Variants in BMPR2 observed in about 807,000 individuals in gnomAD.
The protein encoded by BMPR2 is bone morphogenetic protein receptor type-2.
BMPR2 carries 29 observed loss-of-function variants against 100.8 expected under a neutral mutation model. The ratio of observed to expected loss-of-function variants is 0.29; its 90% CI spans 0.21 to 0.39. The LOEUF (loss-of-function observed/expected upper bound fraction) is 0.39. Ranked by LOEUF, BMPR2 falls within the 10% of genes least tolerant of loss-of-function variation. BMPR2 has a pLI of 1.00. For synonymous variants in BMPR2, 382 were observed against 442.3 expected (o/e 0.86, Z 1.71); for missense variants, 1,011 against 1,274.5 (o/e 0.79, Z 3.15).
chr2:202,560,340 G>A lies in BMPR2; in HGVS notation c.*394G>A, dbSNP rs1025600061. 7 of 223,890 alleles carry A rather than the reference G, an allele frequency of 3.1e-5. No individual in the cohort carries two copies. In the Admixed American group the frequency reaches 3.7e-4, roughly 12 times the overall value. 13.9% of individuals were successfully genotyped at this position (223,890 alleles called of 1,614,324 possible). A position where few individuals can be genotyped will look rare whatever the true frequency, so the allele number is the denominator to read the frequency against. ...GAAGCAAATTAAGACAGGTTTGACT[G>A]CAGTGGTGTCTGGTATCCATGTTTT... On this transcript the variant is annotated 3_prime_UTR_variant, in exon 13 of 13. Coordinates refer to ENST00000374580, the MANE Select transcript of BMPR2 (RefSeq NM_001204.7).
At chr2:202,467,827 G>C in intron 3 of BMPR2, 138 bp downstream of exon 3, 1 of 862,512 alleles carries the variant, frequency 1.2e-6, no homozygotes, top group Admixed American at 2.1e-5. Context: ...GGGAGGCCGA[G>C]GTGGATGGAT....
intron 1 of BMPR2, among the ~76,000 whole-genome samples, chr2:202,422,699 TAG>T (rs1376211520): frequency 1.3e-5 from 2 of 151,294 alleles, no homozygotes; most frequent in African/African-American, 4.9e-5. Context: ...TGTTTTGAGA[TAG>T]AGTCTCCCTC....
intron 1 of BMPR2, among the ~76,000 whole-genome samples, chr2:202,430,093 T>G (rs549282869): frequency 6.6e-6 from 1 of 152,214 alleles, no homozygotes; most frequent in Non-Finnish European, 1.5e-5. Flanking sequence ...TGGTGAGAGC[T>G]CTGGGTTGCC....
intron 1 of BMPR2, among the ~76,000 whole-genome samples, chr2:202,458,421 G>A (rs1692165187): frequency 6.6e-6 from 1 of 151,940 alleles, no homozygotes; most frequent in African/African-American, 2.4e-5. Context: ...AGTGAGCCAA[G>A]GTTGTGCCAC....
intron 9 of BMPR2, among the ~76,000 whole-genome samples, chr2:202,538,757 G>A (rs1051106834): frequency 2.8e-5 from 4 of 141,148 alleles, no homozygotes; most frequent in Admixed American, 7.6e-5. Context: ...TCGCGCCACC[G>A]CACTCCAGCC....
intron 1 of BMPR2, among the ~76,000 whole-genome samples, chr2:202,460,314 G>A (rs1036920451): frequency 7.2e-5 from 11 of 152,042 alleles, no homozygotes; most frequent in Non-Finnish European, 1.3e-4. Flanking sequence ...GGAATACTAT[G>A]CAGCCATAAA....
intron 9 of BMPR2, among the ~76,000 whole-genome samples, chr2:202,536,657 G>A (rs1162427811): frequency 6.6e-6 from 1 of 151,988 alleles, no homozygotes; most frequent in African/African-American, 2.4e-5. Context: ...TGTATCACCT[G>A]AGGTCGGGAG....
chr2:202,437,302 C>G (rs1691634295), intron 1 of BMPR2, among the ~76,000 whole-genome samples: 1 of 150,674 alleles, frequency 6.6e-6, no homozygotes, highest in African/African-American at 2.5e-5. Context: ...CTGCGCCCAG[C>G]CAAAAAACTC....
intron 1 of BMPR2, among the ~76,000 whole-genome samples, chr2:202,394,260 A>C (rs749323778): frequency 6.6e-6 from 1 of 152,070 alleles, no homozygotes; most frequent in African/African-American, 2.4e-5. Context: ...CTGAGGCAGG[A>C]GAATTGCTTG....
At chr2:202,405,723 G>C (rs570700663) in intron 1 of BMPR2, among the ~76,000 whole-genome samples, 1 of 146,382 alleles carries the variant, frequency 6.8e-6, no homozygotes, top group East Asian at 2.0e-4. Flanking sequence ...CAGGGAAAAT[G>C]TGCTGCTAAA....
At chr2:202,401,940 G>A (rs558122135) in intron 1 of BMPR2, among the ~76,000 whole-genome samples, 1 of 152,318 alleles carries the variant, frequency 6.6e-6, no homozygotes, top group East Asian at 1.9e-4. Flanking sequence ...TGCAAAAAGG[G>A]CTCAAAAGTG....
chr2:202,527,169 T>G (rs1459720821), intron 7 of BMPR2, among the ~76,000 whole-genome samples: 1 of 152,082 alleles, frequency 6.6e-6, no homozygotes, highest in Non-Finnish European at 1.5e-5. Flanking sequence ...TGCCCAGAAT[T>G]TATGTTTTTT....
chr2:202,482,397 A>G (rs920934958), intron 3 of BMPR2, among the ~76,000 whole-genome samples: 1 of 152,146 alleles, frequency 6.6e-6, no homozygotes, highest in African/African-American at 2.4e-5. Flanking sequence ...TTTAAGAGAC[A>G]GGGTCTTGCT....
At chr2:202,520,386 T>C in intron 7 of BMPR2, 185 bp downstream of exon 7, 1 of 619,730 alleles carries the variant, frequency 1.6e-6, no homozygotes. Context: ...CCCACGCAGC[T>C]GCCAAGATGG....
chr2:202,495,409 G>A lies in BMPR2; in HGVS notation c.419-18310G>A, dbSNP rs982756783. Among the ~76,000 whole-genome samples, 1 of 152,194 alleles carries A rather than the reference G, an allele frequency of 6.6e-6. No individual in the cohort carries two copies. The highest frequency in any genetic ancestry group is 2.1e-4 in the South Asian group (1 of 4,822). On this transcript the variant is annotated intron_variant, in intron 3 of 12. Coordinates refer to ENST00000374580, the MANE Select transcript of BMPR2 (RefSeq NM_001204.7). This position sits in a 1 kb window ranked among gnomAD's most constrained non-coding sequence, Gnocchi z 4.5. ...TTCTGTCGACGGCCTGCCGGCGTGC[G>A]GGTGCCTATCGTTGTGCTCTTCTGC...
At chr2:202,493,719 C>G (rs1185945671) in intron 3 of BMPR2, among the ~76,000 whole-genome samples, 1 of 152,072 alleles carries the variant, frequency 6.6e-6, no homozygotes, top group South Asian at 2.1e-4. Context: ...GGAGGAGGGG[C>G]ACTGAATGTT....
chr2:202,500,147 T>G (rs1687351435), intron 3 of BMPR2, among the ~76,000 whole-genome samples: 2 of 152,250 alleles, frequency 1.3e-5, no homozygotes, highest in South Asian at 4.2e-4. Context: ...GCCCCGGGTA[T>G]GTTTAACTAT....
chr2:202,412,219 T>C (rs1691026642), intron 1 of BMPR2, among the ~76,000 whole-genome samples: 1 of 152,198 alleles, frequency 6.6e-6, no homozygotes, highest in Non-Finnish European at 1.5e-5. Flanking sequence ...TTTAAGATGA[T>C]AGAAGGAATT....
chr2:202,524,451 T>C (rs969348262), intron 7 of BMPR2, among the ~76,000 whole-genome samples: 2 of 151,548 alleles, frequency 1.3e-5, no homozygotes, highest in Admixed American at 6.6e-5. Flanking sequence ...AGCATCATAC[T>C]ATAAACCCAG....
Sources: allele counts gnomAD v4.1 joint callset (sites outside exome capture counted in the v4.1 genomes callset), GRCh38; gene constraint gnomAD v4.1.1; non-coding constraint Gnocchi (gnomAD v3.1); transcripts MANE v1.5; gene names NCBI Gene and HGNC (gene_info 2026-07-23, HGNC 2026-07-21).